Variants in ARHGAP42 observed in about 807,000 individuals in gnomAD.
ARHGAP42 encodes the protein Rho GTPase activating protein 42, also known as rho GTPase-activating protein 42.
Under a neutral mutation model 125.0 loss-of-function variants are expected in ARHGAP42, and 63 were observed. That is an observed-to-expected ratio of 0.50 (90% CI 0.41 to 0.62). ARHGAP42 has a LOEUF of 0.62. Ranked by LOEUF, ARHGAP42 falls within the 20% of genes least tolerant of loss-of-function variation. The probability of loss-of-function intolerance (pLI) is 0.00; values close to 1 mark genes in which losing one functional copy is unlikely to be tolerated. For missense variants in ARHGAP42, 766 were observed against 1,024.2 expected, an observed-to-expected ratio of 0.75 and a Z score of 3.44; for synonymous variants, 339 against 351.0, an observed-to-expected ratio of 0.97 and a Z score of 0.38.
intron 22 of ARHGAP42, among the ~76,000 whole-genome samples, chr11:100,983,741 T>TA (rs1858602478): frequency 6.6e-6 from 1 of 152,160 alleles, no homozygotes; most frequent in Non-Finnish European, 1.5e-5. Context: ...CAGGTGGAAG[T>TA]TTTTAGCATT....
At chr11:100,829,912 A>T (rs1864625512) in intron 3 of ARHGAP42, among the ~76,000 whole-genome samples, 1 of 152,226 alleles carries the variant, frequency 6.6e-6, no homozygotes, top group Non-Finnish European at 1.5e-5. Context: ...GATAAGACTA[A>T]GTCCTAGAGT....
At chr11:100,929,752 A>G (rs963843141) in intron 6 of ARHGAP42, among the ~76,000 whole-genome samples, 1 of 152,086 alleles carries the variant, frequency 6.6e-6, no homozygotes, top group Non-Finnish European at 1.5e-5. Flanking sequence ...AAACTAGGTT[A>G]TTTGTCTTTT....
chr11:100,925,483 A>T (rs1359553973), intron 6 of ARHGAP42, among the ~76,000 whole-genome samples: 2 of 152,102 alleles, frequency 1.3e-5, no homozygotes, highest in African/African-American at 4.8e-5. Context: ...CACGCCTGTA[A>T]TCCCAGCACT....
At chr11:100,885,211 A>G (rs1416921272) in intron 4 of ARHGAP42, among the ~76,000 whole-genome samples, 1 of 152,180 alleles carries the variant, frequency 6.6e-6, no homozygotes, top group Non-Finnish European at 1.5e-5. Context: ...CTTTCCCTTT[A>G]TGCCTGACAG....
intron 1 of ARHGAP42, among the ~76,000 whole-genome samples, chr11:100,747,243 T>C (rs1862325875): frequency 6.6e-6 from 1 of 152,216 alleles, no homozygotes; most frequent in African/African-American, 2.4e-5. Flanking sequence ...GCCTTCTTGT[T>C]GAGAAATTTT....
intron 4 of ARHGAP42, among the ~76,000 whole-genome samples, chr11:100,868,031 G>C (rs578161738): frequency 6.6e-6 from 1 of 152,060 alleles, no homozygotes; most frequent in African/African-American, 2.4e-5. Context: ...TGGAGCCCCA[G>C]AACAATCACA....
At chr11:100,690,631 C>G (rs1034356881) in intron 1 of ARHGAP42, among the ~76,000 whole-genome samples, 1 of 152,154 alleles carries the variant, frequency 6.6e-6, no homozygotes, top group African/African-American at 2.4e-5. Flanking sequence ...GAGTCTCGCT[C>G]TGTCGCCCAG....
chr11:100,747,452 C>T (rs1862330851), intron 1 of ARHGAP42, among the ~76,000 whole-genome samples: 1 of 152,156 alleles, frequency 6.6e-6, no homozygotes, highest in African/African-American at 2.4e-5. Flanking sequence ...TTTATAGACG[C>T]TTTTTAACCT....
intron 3 of ARHGAP42, among the ~76,000 whole-genome samples, chr11:100,849,911 T>A (rs550525136): frequency 5.9e-5 from 9 of 152,204 alleles, no homozygotes; most frequent in Non-Finnish European, 1.0e-4. Flanking sequence ...AATATTATGA[T>A]GCTTACGTTT....
At chr11:100,938,855 G>A (rs149197997) in intron 8 of ARHGAP42, among the ~76,000 whole-genome samples, 16 of 152,316 alleles carry the variant, frequency 1.1e-4, no homozygotes, top group Middle Eastern at 3.4e-3. Flanking sequence ...TATCGATTGT[G>A]CACTTGCTAT....
In ARHGAP42 at chr11:100,992,931, G is replaced by A; in HGVS notation, c.*4130G>A. 2.1e-6 allele frequency: 1 copy of A among 476,524 alleles called. No individual in the cohort carries two copies. The allele number at this position is 476,524 out of a possible 1,614,324, so 29.5% of individuals were successfully genotyped here. ...TTGGCACTCATGAGAGAGATGCCAAGTTCAGTGTGGATTTTTCTTGGTGCT... is the reference window on the plus strand; with the variant it reads ...TTGGCACTCATGAGAGAGATGCCAAATTCAGTGTGGATTTTTCTTGGTGCT... On this transcript the variant is annotated 3_prime_UTR_variant, in exon 24 of 24. Transcript: ENST00000298815.
intron 1 of ARHGAP42, among the ~76,000 whole-genome samples, chr11:100,700,622 C>A (rs1861381529): frequency 6.6e-6 from 1 of 152,186 alleles, no homozygotes. Context: ...AAACTGATTT[C>A]TTTGCTCATC....
intron 1 of ARHGAP42, among the ~76,000 whole-genome samples, chr11:100,731,765 A>G (rs1861962805): frequency 6.6e-6 from 1 of 152,118 alleles, no homozygotes; most frequent in Non-Finnish European, 1.5e-5. Flanking sequence ...ATTAGCAGCT[A>G]TGCAATCCCT....
In ARHGAP42 at chr11:100,992,406, C is replaced by G; in HGVS notation, c.*3605C>G. 1 of 1,614,076 alleles carries G rather than the reference C, an allele frequency of 6.2e-7. No homozygotes were observed. The highest frequency in any genetic ancestry group is 8.5e-7 in the Non-Finnish European group (1 of 1,179,960). Reference sequence around the variant, plus strand: ...GACTATTGTCCAGAAGTTACTTTCCCCTTGACTAAAGGTTTCCCCTTAGGG... The same window carrying G: ...GACTATTGTCCAGAAGTTACTTTCCGCTTGACTAAAGGTTTCCCCTTAGGG... On this transcript the variant is annotated 3_prime_UTR_variant, in exon 24 of 24. Coordinates refer to ENST00000298815, the MANE Select transcript of ARHGAP42 (RefSeq NM_152432.4).
chr11:100,897,339 A>G (rs2135201722), intron 4 of ARHGAP42, among the ~76,000 whole-genome samples: 1 of 152,280 alleles, frequency 6.6e-6, no homozygotes, highest in Middle Eastern at 3.4e-3. Context: ...TCTTGGTTCC[A>G]TATGAACTTT....
intron 4 of ARHGAP42, among the ~76,000 whole-genome samples, chr11:100,890,840 C>T (rs937417465): frequency 6.6e-6 from 1 of 152,058 alleles, no homozygotes; most frequent in African/African-American, 2.4e-5. Flanking sequence ...AGGATACTAG[C>T]TAAAATAGTA....
intron 12 of ARHGAP42, among the ~76,000 whole-genome samples, chr11:100,956,950 T>C (rs563606074): frequency 9.9e-5 from 15 of 152,212 alleles, no homozygotes; most frequent in African/African-American, 2.9e-4. Flanking sequence ...AAGGATGCCT[T>C]ATTCATGAAA....
chr11:100,875,519 A>G (rs1226640166), intron 4 of ARHGAP42, among the ~76,000 whole-genome samples: 1 of 152,182 alleles, frequency 6.6e-6, no homozygotes, highest in Non-Finnish European at 1.5e-5. Context: ...GATGACCATC[A>G]CTGACACTGG....
intron 4 of ARHGAP42, among the ~76,000 whole-genome samples, chr11:100,907,669 C>T (rs766506426): frequency 6.6e-6 from 1 of 152,174 alleles, no homozygotes; most frequent in Non-Finnish European, 1.5e-5. Context: ...GCCTAAACAA[C>T]GTGGGATGGA....
Sources: allele counts gnomAD v4.1 joint callset (sites outside exome capture counted in the v4.1 genomes callset), GRCh38; gene constraint gnomAD v4.1.1; transcripts MANE v1.5; gene names NCBI Gene and HGNC (gene_info 2026-07-23, HGNC 2026-07-21).